Variants in FCN2 observed in about 807,000 individuals in gnomAD.
The protein encoded by FCN2 is ficolin-2.
A neutral mutation model predicts 32.5 loss-of-function variants in FCN2; 31 were observed. The ratio of observed to expected loss-of-function variants is 0.96; its 90% CI spans 0.72 to 1.29. The LOEUF (loss-of-function observed/expected upper bound fraction) is 1.29, where lower values mean the gene tolerates loss of function less well. Ranked by LOEUF, FCN2 falls within the 50% of genes most tolerant of loss-of-function variation. The pLI, the probability that FCN2 is intolerant of heterozygous loss-of-function variation, is 0.00. For missense variants in FCN2, 412 were observed against 406.5 expected, an observed-to-expected ratio of 1.01 and a Z score of -0.12; for synonymous variants, 181 against 164.5, an observed-to-expected ratio of 1.10 and a Z score of -0.77.
At chr9:134,881,091 C>G (rs7032741) in intron 1 of FCN2, among the ~76,000 whole-genome samples, 170 bp downstream of exon 1, 1 of 152,132 alleles carries the variant, frequency 6.6e-6, no homozygotes, top group Non-Finnish European at 1.5e-5. Flanking sequence ...GCAGAGGCCC[C>G]GAATGGATGT....
chr9:134,870,921 G>A, the FCN2 span, among the ~76,000 whole-genome samples: 1 of 152,256 alleles, frequency 6.6e-6, no homozygotes, highest in African/African-American at 2.4e-5. This position sits in a 1 kb window ranked among gnomAD's most constrained non-coding sequence, Gnocchi z 4.3. Context: ...CACCAGCACT[G>A]GGCTCGGCGG....
chr9:134,881,135 C>T (rs1458677634), intron 1 of FCN2, among the ~76,000 whole-genome samples: 1 of 152,208 alleles, frequency 6.6e-6, no homozygotes, highest in African/African-American at 2.4e-5. Context: ...TCTGCTTGCC[C>T]TCCCATAATG....
chr9:134,867,679 A>AG, the FCN2 span, among the ~76,000 whole-genome samples: 1 of 148,504 alleles, frequency 6.7e-6, no homozygotes, highest in Admixed American at 6.6e-5. Flanking sequence ...AAAAAAAAAA[A>AG]GAAGTAAACA....
intron 2 of FCN2, among the ~76,000 whole-genome samples, chr9:134,883,064 A>G (rs982675977): frequency 5.9e-5 from 9 of 152,154 alleles, no homozygotes; most frequent in African/African-American, 2.2e-4. Context: ...GATTCTACCC[A>G]TGGTCTCTGG....
rs371833675 is a variant in FCN2, at chr9:134,886,517, C to T, written c.647C>T (p.Ala216Val). The change falls in exon 7 of 8, where the codon GCG (alanine) becomes GTG (valine). Residue 216 changes from alanine to valine, a missense_variant. Ala to Val is a moderately conservative substitution (Grantham distance 64). Coordinates refer to ENST00000291744, the MANE Select transcript of FCN2 (RefSeq NM_004108.3). ...AGATCATTCAAGGTGGCCGACGAGG[C>T]GGAGAAGTACAATCTGGTCCTGGGG... ...KYRSFKVADE[A>V]EKYNLVLGAF... 42 of 1,613,994 alleles carry T rather than the reference C, an allele frequency of 2.6e-5. No homozygotes were observed. The highest frequency in any genetic ancestry group is 8.0e-5 in the African/African-American group (6 of 74,906).
the FCN2 span, among the ~76,000 whole-genome samples, chr9:134,872,312 C>T: frequency 6.6e-6 from 1 of 152,228 alleles, no homozygotes; most frequent in Admixed American, 6.5e-5. Flanking sequence ...TAGACCACAG[C>T]TATGTATCCA....
chr9:134,872,291 C>G, the FCN2 span, among the ~76,000 whole-genome samples: 21 of 152,336 alleles, frequency 1.4e-4, no homozygotes, highest in East Asian at 3.9e-4. Flanking sequence ...GAGTCATACT[C>G]TGTGTGTGGA....
rs12236429 is a variant in FCN2, at chr9:134,883,738, G to A, written c.268+383G>A. Among the ~76,000 whole-genome samples, 1,131 of 149,172 alleles carry A rather than the reference G, an allele frequency of 7.6e-3. 51 individuals are homozygous for A. In the East Asian group the frequency reaches 0.14, roughly 18 times the overall value. ...GAGGGGTTCCCGGTGGGCAGGCTGT[G>A]GGGAGGTGTTATCAGCAGGGAGGGA... On this transcript the variant is annotated intron_variant, in intron 3 of 7. Transcript: ENST00000291744.
rs779378693 is a variant in FCN2, at chr9:134,887,416, C to G, written c.*1C>G. ...AGAGATGAAGGTGCGACCTGCCTAG[C>G]CCAGGCCGGCCTCAGGGTCAGGACG... On this transcript the variant is annotated 3_prime_UTR_variant, in exon 8 of 8. Transcript: ENST00000291744. 1.9e-6 allele frequency: 3 copies of G among 1,613,966 alleles called. No homozygotes were observed. In the East Asian group the frequency reaches 6.7e-5, roughly 36 times the overall value.
At chr9:134,879,588 G>T (rs368292364), upstream of FCN2, among the ~76,000 whole-genome samples, 17 of 152,196 alleles carry the variant, frequency 1.1e-4, no homozygotes, top group South Asian at 2.7e-3. Context: ...GTCTTCCCCA[G>T]GTTCATCCCT....
chr9:134,886,328 A>G (rs1005459673), intron 6 of FCN2, 102 bp from the exon 7 acceptor site: 9 of 1,392,184 alleles, frequency 6.5e-6, no homozygotes, highest in Middle Eastern at 2.2e-4. Context: ...CTCTGCCTCC[A>G]TGGAGTCCAG....
the FCN2 span, among the ~76,000 whole-genome samples, chr9:134,864,435 G>A: frequency 2.6e-5 from 4 of 152,160 alleles, no homozygotes; most frequent in East Asian, 1.9e-4. Context: ...TGTCTCCACC[G>A]CCAGTTGGTG....
upstream of FCN2, among the ~76,000 whole-genome samples, chr9:134,878,613 T>A (rs1256950980): frequency 6.6e-6 from 1 of 152,164 alleles, no homozygotes; most frequent in Non-Finnish European, 1.5e-5. Flanking sequence ...GAGGCCAAGG[T>A]GGGTGGATCA....
Position 134,885,658 on chromosome 9 carries a change from G to T in FCN2, c.430-110G>T. On this transcript the variant is annotated intron_variant, in intron 5 of 7. Coordinates refer to ENST00000291744, the MANE Select transcript of FCN2 (RefSeq NM_004108.3). ...AACAGGTGGGCGTGCTGGTGACCCC[G>T]CCTGTGATGCTCTGCCAACTACAAA... 4 of 1,471,984 alleles carry T rather than the reference G, an allele frequency of 2.7e-6. No individual in the cohort carries two copies. The Admixed American group carries it at 7.0e-5, about 26-fold the overall frequency. The allele number at this position is 1,471,984 out of a possible 1,614,324, so 91.2% of individuals were successfully genotyped here.
the FCN2 span, among the ~76,000 whole-genome samples, chr9:134,873,162 C>G: frequency 2.0e-5 from 3 of 150,654 alleles, no homozygotes; most frequent in African/African-American, 7.3e-5. Context: ...GAAGAGTTAT[C>G]TCTGTGTTCC....
chr9:134,878,705 T>C (rs1830624472), upstream of FCN2, among the ~76,000 whole-genome samples: 1 of 152,018 alleles, frequency 6.6e-6, no homozygotes, highest in Non-Finnish European at 1.5e-5. Flanking sequence ...TAGCCGGACA[T>C]GGTAGTGCCT....
intron 2 of FCN2, among the ~76,000 whole-genome samples, 160 bp downstream of exon 2, chr9:134,882,799 C>A (rs182885577): frequency 6.6e-6 from 1 of 152,326 alleles, no homozygotes; most frequent in East Asian, 1.9e-4. Flanking sequence ...AGGGTTCTGA[C>A]ATGGAGGGAG....
intron 4 of FCN2, 115 bp from the exon 5 acceptor site, chr9:134,885,124 G>C (rs1250808521): frequency 7.0e-7 from 1 of 1,430,478 alleles, no homozygotes; most frequent in Non-Finnish European, 9.7e-7. Context: ...TCAGAGTCCC[G>C]CTCTGTTCAT....
chr9:134,870,263 G>A, the FCN2 span, among the ~76,000 whole-genome samples: 83 of 152,314 alleles, frequency 5.4e-4, no homozygotes, highest in African/African-American at 1.6e-3. This position sits in a 1 kb window ranked among gnomAD's most constrained non-coding sequence, Gnocchi z 4.3. Flanking sequence ...AGCAGGTCTC[G>A]CAGCCCCACG....
Sources: allele counts gnomAD v4.1 joint callset (sites outside exome capture counted in the v4.1 genomes callset), GRCh38; gene constraint gnomAD v4.1.1; non-coding constraint Gnocchi (gnomAD v3.1); transcripts MANE v1.5; gene names NCBI Gene and HGNC (gene_info 2026-07-23, HGNC 2026-07-21).